Variants in CELA3A observed in about 807,000 individuals in gnomAD.
CELA3A encodes chymotrypsin-like elastase family member 3A.
CELA3A carries 35 observed loss-of-function variants against 38.6 expected under a neutral mutation model. That is an observed-to-expected ratio of 0.91 (90% CI 0.69 to 1.20). The LOEUF (loss-of-function observed/expected upper bound fraction) is 1.20. Among genes scored for constraint, CELA3A ranks in the 50% most tolerant of loss-of-function variants. The pLI is 0.00. For synonymous variants in CELA3A, 143 were observed against 136.7 expected (o/e 1.05, Z -0.32); for missense variants, 343 against 354.2 (o/e 0.97, Z 0.25).
rs770335166 is a variant in CELA3A at position 22,005,815 on chromosome 1, C to A, written c.362+19C>A. On this transcript the variant is annotated intron_variant, in intron 4 of 7. Coordinates refer to ENST00000290122, the MANE Select transcript of CELA3A (RefSeq NM_005747.5). ...CCTGTGGGTGAGTGAATGCTCCGGT[C>A]TGGAACCCAGGGGCTCCTCTACTTG... 2.5e-6 allele frequency: 4 copies of A among 1,610,144 alleles called. No homozygotes were observed. The African/African-American group carries it at 5.4e-5, about 22-fold the overall frequency.
chr1:22,005,820 A>T (rs1315652876), intron 4 of CELA3A, 24 bp downstream of exon 4: 1 of 1,609,846 alleles, frequency 6.2e-7, no homozygotes, highest in Non-Finnish European at 8.5e-7. Flanking sequence ...CCGGTCTGGA[A>T]CCCAGGGGCT....
chr1:22,003,767 A>G (rs765270593), intron 2 of CELA3A, among the ~76,000 whole-genome samples: 9 of 150,506 alleles, frequency 6.0e-5, no homozygotes, highest in Non-Finnish European at 1.3e-4. Context: ...GTGCAATGGC[A>G]CAATCTTGGC....
rs188448064 is a variant in CELA3A at position 22,003,955 on chromosome 1, C to T, written c.129+867C>T. Among the ~76,000 whole-genome samples, 50 of 151,076 alleles carry T rather than the reference C, an allele frequency of 3.3e-4. No individual in the cohort carries two copies. The East Asian group carries it at 9.2e-3, about 28-fold the overall frequency. On this transcript the variant is annotated intron_variant, in intron 2 of 7. Coordinates refer to ENST00000290122, the MANE Select transcript of CELA3A (RefSeq NM_005747.5). ...CTGACCTCAGGTGATCCACCTGCCT[C>T]GGCCTCTCAAAGTGCTGGGATTACA...
intron 5 of CELA3A, 98 bp from the exon 6 acceptor site, chr1:22,007,275 T>C: frequency 2.0e-6 from 3 of 1,491,826 alleles, no homozygotes; most frequent in Non-Finnish European, 2.7e-6. Context: ...AGAGTCCTCA[T>C]CAGGGCAGAA....
intron 5 of CELA3A, 49 bp from the exon 6 acceptor site, chr1:22,007,324 C>G: frequency 6.4e-7 from 1 of 1,569,792 alleles, no homozygotes; most frequent in Non-Finnish European, 8.6e-7. Context: ...TCTGGGGCAC[C>G]TAGCGGTGTG....
Position 22,005,530 on chromosome 1 carries a change from C to A in CELA3A, c.213C>A (p.Ala71=). The A allele has an allele frequency of 6.2e-7, 1 of 1,612,896 alleles. No homozygotes were observed. Among genetic ancestry groups the A allele is most frequent in the Non-Finnish European group, 8.5e-7 (1 of 1,179,566 alleles). Residue 71 remains alanine (A), a synonymous_variant, in exon 3 of 8, where the codon GCC becomes GCA. Coordinates refer to ENST00000290122, the MANE Select transcript of CELA3A (RefSeq NM_005747.5). ...SLIAPDWVVT[A]GHCISRDLTY... is the part of the protein sequence containing the mutation. ...TCGCCCCCGATTGGGTTGTGACTGC[C>A]GGCCACTGCATCTCGTGAGTTCTCT...
At chr1:22,002,749 T>C in intron 1 of CELA3A, 1 of 494,794 alleles carries the variant, frequency 2.0e-6, no homozygotes, top group Non-Finnish European at 3.7e-6. Flanking sequence ...TTGTTCTAAG[T>C]GTATCAAGCT....
intron 7 of CELA3A, chr1:22,010,269 G>T (rs2152819932): frequency 2.6e-6 from 1 of 385,266 alleles, no homozygotes; most frequent in East Asian, 7.4e-5. Flanking sequence ...GGGGATGGGT[G>T]ATCAGAGAGG....
rs374632507 is a variant in CELA3A at position 22,004,355 on chromosome 1, A to C, written c.130-1092A>C. On this transcript the variant is annotated intron_variant, in intron 2 of 7. Coordinates refer to ENST00000290122, the MANE Select transcript of CELA3A (RefSeq NM_005747.5). ...CCCACAGTGCTGGGATTATAGGCGT[A>C]AGCCACCATGCTTGGCCTGCTTGCC... is the stretch of plus-strand genomic sequence containing the variant. 1.8e-4 allele frequency among the ~76,000 whole-genome samples: 26 copies of C among 148,066 alleles called. 1 individual carries two copies. The highest frequency in any genetic ancestry group is 6.5e-4 in the African/African-American group (26 of 39,910).
chr1:22,007,155 C>T, intron 5 of CELA3A, 141 bp downstream of exon 5: 1 of 1,415,482 alleles, frequency 7.1e-7, no homozygotes, highest in South Asian at 1.4e-5. Context: ...TTCCATCAAC[C>T]TCCAAAACAC....
intron 1 of CELA3A, chr1:22,002,441 T>C (rs1324223081): frequency 2.3e-6 from 1 of 434,964 alleles, no homozygotes; most frequent in Admixed American, 2.4e-5. Flanking sequence ...CAAGCAATCC[T>C]ACCACCTTAG....
intron 1 of CELA3A, 125 bp from the exon 2 acceptor site, chr1:22,002,878 G>C (rs1644926502): frequency 1.2e-6 from 1 of 843,650 alleles, no homozygotes; most frequent in Non-Finnish European, 1.9e-6. Context: ...CTGAGGTCCA[G>C]AGGGCGAAAG....
chr1:22,009,277 T>A lies in CELA3A; in HGVS notation c.643-428T>A, dbSNP rs546077600. On this transcript the variant is annotated intron_variant, in intron 6 of 7. Coordinates refer to ENST00000290122, the MANE Select transcript of CELA3A (RefSeq NM_005747.5). ...TACTTGGGAGGCTGAGGCAGGAGAA[T>A]GGCGTGAACCCTGGAGGCAGAGCTT... 1.9e-4 allele frequency among the ~76,000 whole-genome samples: 29 copies of A among 151,504 alleles called. 1 individual carries two copies. The highest frequency in any genetic ancestry group is 6.3e-4 in the African/African-American group (26 of 41,048).
rs1183896942 is a variant in CELA3A, at chr1:22,011,671, A to C, written c.796-779A>C. On this transcript the variant is annotated intron_variant, in intron 7 of 7. Transcript: ENST00000290122. The stretch of plus-strand genomic sequence containing the variant: ...GCTACTTGGGAGGTTGAGGCAGAAG[A>C]ATTGCTCGAACTCAGGAGGCAGAGG... Among the ~76,000 whole-genome samples, 5 of 123,954 alleles carry C rather than the reference A, an allele frequency of 4.0e-5. 2 individuals carry two copies. The highest frequency in any genetic ancestry group is 6.7e-5 in the African/African-American group (2 of 29,820). The allele number at this position is 123,954 out of a possible 152,430, so 81.3% of individuals were successfully genotyped here.
rs144066143 is a variant in CELA3A at position 22,005,531 on chromosome 1, G to A, written c.214G>A (p.Gly72Ser). 3.5e-5 allele frequency: 57 copies of A among 1,612,782 alleles called. No individual in the cohort carries two copies. The highest frequency in any genetic ancestry group is 2.0e-4 in the African/African-American group (15 of 74,410). ...LIAPDWVVTA[G>S]HCISRDLTYQ... ...CGCCCCCGATTGGGTTGTGACTGCC[G>A]GCCACTGCATCTCGTGAGTTCTCTA... Residue 72 changes from glycine to serine, a missense_variant, in exon 3 of 8, where the codon GGC (glycine) becomes AGC (serine). Physicochemically the swap from Gly to Ser is moderately conservative, Grantham distance 56. Coordinates refer to ENST00000290122, the MANE Select transcript of CELA3A (RefSeq NM_005747.5).
chr1:22,006,912 G>T lies in CELA3A; in HGVS notation c.397G>T (p.Ala133Ser), dbSNP rs368803904. Residue 133 changes from alanine (A) to serine (S), a missense_variant, in exon 5 of 8, where the codon GCC (alanine) becomes TCC (serine). Ala to Ser is a moderately conservative substitution (Grantham distance 99). Coordinates refer to ENST00000290122, the MANE Select transcript of CELA3A (RefSeq NM_005747.5). ...CGCCCTCATCAAGCTCTCACGCAGCGCCCAGCTGGGAGATGCCGTCCAGCT... is the reference window on the plus strand; with the variant it reads ...CGCCCTCATCAAGCTCTCACGCAGCTCCCAGCTGGGAGATGCCGTCCAGCT... ...DIALIKLSRS[A>S]QLGDAVQLAS... is the part of the protein sequence containing the mutation. The T allele has an allele frequency of 6.2e-7, 1 of 1,612,182 alleles. No homozygotes were observed. Among genetic ancestry groups the T allele is most frequent in the South Asian group, 1.1e-5 (1 of 91,002 alleles).
intron 7 of CELA3A, 168 bp downstream of exon 7, chr1:22,010,025 T>C: frequency 1.9e-6 from 2 of 1,068,622 alleles, no homozygotes; most frequent in East Asian, 2.8e-5. Context: ...TCTGATACAG[T>C]GTGACCCCAG....
chr1:22,007,117 C>T lies in CELA3A; in HGVS notation c.499+103C>T, dbSNP rs183756463. 359 of 1,496,404 alleles carry T rather than the reference C, an allele frequency of 2.4e-4. 18 individuals are homozygous for T. The African/African-American group carries it at 4.1e-3, about 17-fold the overall frequency. 92.7% of individuals were successfully genotyped at this position (1,496,404 alleles called of 1,614,324 possible). ...CACCAAGACCGGACCTTGTACTTTTCTCCCATTTCTCTCCAGCTGCAGCCT... is the reference window on the plus strand; with the variant it reads ...CACCAAGACCGGACCTTGTACTTTTTTCCCATTTCTCTCCAGCTGCAGCCT... On this transcript the variant is annotated intron_variant, in intron 5 of 7. Transcript: ENST00000290122.
intron 6 of CELA3A, 74 bp downstream of exon 6, chr1:22,007,589 G>A: frequency 6.5e-7 from 1 of 1,537,346 alleles, no homozygotes; most frequent in African/African-American, 1.4e-5. Flanking sequence ...TGCCTGGAAG[G>A]TGGAGGAAGG....
Sources: allele counts gnomAD v4.1 joint callset (sites outside exome capture counted in the v4.1 genomes callset), GRCh38; gene constraint gnomAD v4.1.1; transcripts MANE v1.5; gene names NCBI Gene and HGNC (gene_info 2026-07-23, HGNC 2026-07-21).